ZNF722: variants seen among roughly 807,000 people sequenced by gnomAD.
ZNF722 encodes the protein zinc finger protein 722.
At chr7:64,009,607 G>A in the ZNF722 span, among the ~76,000 whole-genome samples, 1 of 152,134 alleles carries the variant, frequency 6.6e-6, no homozygotes. Context: ...TGATCGTGGT[G>A]GATAAGCTTT....
At chr7:64,017,068 A>T in the ZNF722 span, among the ~76,000 whole-genome samples, 1 of 152,220 alleles carries the variant, frequency 6.6e-6, no homozygotes, top group East Asian at 1.9e-4. Context: ...CATTTTACTC[A>T]ATATCAGAAA....
chr7:64,015,834 G>T, the ZNF722 span: 1 of 1,605,182 alleles, frequency 6.2e-7, no homozygotes, highest in Non-Finnish European at 8.5e-7. Context: ...CAAATGTGAA[G>T]AATGTGACAA....
At chr7:64,016,532 A>G in the ZNF722 span, among the ~76,000 whole-genome samples, 1 of 152,200 alleles carries the variant, frequency 6.6e-6, no homozygotes, top group Non-Finnish European at 1.5e-5. Flanking sequence ...AAAAGCAAAG[A>G]ATGTGGTAAC....
At chr7:64,011,548 C>A in the ZNF722 span, among the ~76,000 whole-genome samples, 2 of 152,106 alleles carry the variant, frequency 1.3e-5, no homozygotes, top group Non-Finnish European at 2.9e-5. Flanking sequence ...GTTGAAAATT[C>A]TTTTCTTTAA....
chr7:64,009,050 G>C, the ZNF722 span, among the ~76,000 whole-genome samples: 41 of 152,234 alleles, frequency 2.7e-4, 1 homozygote, highest in South Asian at 5.8e-3. Flanking sequence ...CTGTTTGTCT[G>C]TTATTGGTGT....
At chr7:64,004,345 G>T in the ZNF722 span, among the ~76,000 whole-genome samples, 1 of 145,920 alleles carries the variant, frequency 6.9e-6, no homozygotes, top group African/African-American at 2.5e-5. Context: ...GGAGGTGGAG[G>T]TTGCAGTGAG....
the ZNF722 span, among the ~76,000 whole-genome samples, chr7:64,001,752 T>G: frequency 6.6e-6 from 1 of 152,104 alleles, no homozygotes; most frequent in Non-Finnish European, 1.5e-5. Context: ...CATCTGGTTT[T>G]TTGTTTGTTT....
the ZNF722 span, among the ~76,000 whole-genome samples, chr7:64,012,034 C>A: frequency 6.6e-6 from 1 of 152,252 alleles, no homozygotes; most frequent in Admixed American, 6.5e-5. Flanking sequence ...TCTTCAATCA[C>A]TGATACCCTT....
chr7:64,007,230 G>GTGTATATATATATA, the ZNF722 span, among the ~76,000 whole-genome samples: 180 of 138,446 alleles, frequency 1.3e-3, 1 homozygote, highest in Admixed American at 4.1e-3. Context: ...GTTTGTGTGT[G>GTGTATATATATATA]TATATATATA....
chr7:64,000,023 T>C, the ZNF722 span, among the ~76,000 whole-genome samples: 3 of 152,094 alleles, frequency 2.0e-5, no homozygotes, highest in Admixed American at 2.0e-4. Context: ...GTTAGATTTT[T>C]TTTTTAAGTG....
At chr7:64,014,849 A>C in the ZNF722 span, among the ~76,000 whole-genome samples, 1 of 152,156 alleles carries the variant, frequency 6.6e-6, no homozygotes, top group East Asian at 1.9e-4. Flanking sequence ...ATTTCCAACA[A>C]AGGTATTTTG....
chr7:64,012,721 G>C, the ZNF722 span, among the ~76,000 whole-genome samples: 2 of 152,170 alleles, frequency 1.3e-5, no homozygotes, highest in African/African-American at 2.4e-5. Context: ...GTACATGTCT[G>C]TTTAGCCTAT....
the ZNF722 span, among the ~76,000 whole-genome samples, chr7:64,016,506 T>C: frequency 6.6e-6 from 1 of 152,174 alleles, no homozygotes. Flanking sequence ...TAATTCATTC[T>C]AGAGAGAAAT....
the ZNF722 span, among the ~76,000 whole-genome samples, chr7:64,009,819 A>G: frequency 8.5e-5 from 13 of 152,332 alleles, no homozygotes; most frequent in African/African-American, 2.4e-4. Flanking sequence ...AAGTAATGGT[A>G]TCAGCTCCTC....
the ZNF722 span, among the ~76,000 whole-genome samples, chr7:64,005,027 G>A: frequency 3.9e-5 from 6 of 152,106 alleles, no homozygotes; most frequent in African/African-American, 1.4e-4. Context: ...TGTAAATATA[G>A]CCCTTAAAAA....
At chr7:64,006,882 G>A in the ZNF722 span, among the ~76,000 whole-genome samples, 1 of 151,364 alleles carries the variant, frequency 6.6e-6, no homozygotes, top group Non-Finnish European at 1.5e-5. Context: ...GCTGTGGGGG[G>A]ATATGCAAGC....
At chr7:64,009,440 T>G in the ZNF722 span, among the ~76,000 whole-genome samples, 1 of 152,112 alleles carries the variant, frequency 6.6e-6, no homozygotes, top group South Asian at 2.1e-4. Context: ...TTATTGAGAG[T>G]TTTTAGCATG....
chr7:63,999,541 A>G, the ZNF722 span, among the ~76,000 whole-genome samples: 1 of 152,098 alleles, frequency 6.6e-6, no homozygotes, highest in African/African-American at 2.4e-5. Context: ...GATGAAGGAA[A>G]CCAAATTCAG....
the ZNF722 span, among the ~76,000 whole-genome samples, chr7:64,014,180 T>A: frequency 6.6e-6 from 1 of 152,082 alleles, no homozygotes; most frequent in East Asian, 1.9e-4. Context: ...TACTTTAAAA[T>A]TATTTCACTT....
Sources: gnomAD v4.1 joint callset for allele counts (sites outside exome capture counted in the v4.1 genomes callset) on GRCh38, gnomAD v4.1.1 for gene constraint, MANE v1.5 for transcripts, NCBI Gene and HGNC (gene_info 2026-07-23, HGNC 2026-07-21) for gene names.